HFM1: variants seen among roughly 807,000 people sequenced by gnomAD.
The protein encoded by HFM1 is probable ATP-dependent DNA helicase HFM1.
A neutral mutation model predicts 192.1 loss-of-function variants in HFM1; 169 were observed. The ratio of observed to expected loss-of-function variants is 0.88; its 90% CI spans 0.78 to 1.00. The LOEUF (loss-of-function observed/expected upper bound fraction) is 1.00, where lower values mean the gene tolerates loss of function less well. HFM1 is among the 50% of genes least tolerant of loss of function. HFM1 has a pLI of 0.00. For synonymous variants in HFM1, 525 were observed against 537.8 expected (o/e 0.98, Z 0.33); for missense variants, 1,661 against 1,668.0 (o/e 1.00, Z 0.07).
chr1:91,290,759 C>T (rs1668652980), intron 30 of HFM1, among the ~76,000 whole-genome samples: 1 of 152,012 alleles, frequency 6.6e-6, no homozygotes, highest in Non-Finnish European at 1.5e-5. Context: ...TTTTTTTCAG[C>T]ACCACACCAC....
At chr1:91,266,491 T>C (rs1406808495) in intron 35 of HFM1, among the ~76,000 whole-genome samples, 1 of 152,196 alleles carries the variant, frequency 6.6e-6, no homozygotes, top group Non-Finnish European at 1.5e-5. Flanking sequence ...ATAGATGTCT[T>C]CTGGGCTGAT....
chr1:91,306,257 GGGAGGT>G (rs1240434795), intron 30 of HFM1, among the ~76,000 whole-genome samples: 1 of 152,124 alleles, frequency 6.6e-6, no homozygotes, highest in Admixed American at 6.5e-5. Flanking sequence ...GCTTGAACCT[GGGAGGT>G]GGAGATTATG....
At chr1:91,373,022 TAAG>T (rs1352139210) in intron 13 of HFM1, among the ~76,000 whole-genome samples, 4 of 152,078 alleles carry the variant, frequency 2.6e-5, no homozygotes, top group African/African-American at 7.2e-5. Flanking sequence ...TGGTAGTAAC[TAAG>T]AAGATCAAGT....
intron 6 of HFM1, 26 bp downstream of exon 6, chr1:91,385,161 G>A (rs72728211): frequency 1.5e-6 from 2 of 1,302,946 alleles, no homozygotes; most frequent in Non-Finnish European, 2.2e-6. Context: ...ATACAAAGCA[G>A]CTATTGTAAA....
At chr1:91,291,254 A>C (rs1382905602) in intron 30 of HFM1, among the ~76,000 whole-genome samples, 2 of 152,206 alleles carry the variant, frequency 1.3e-5, no homozygotes, top group African/African-American at 4.8e-5. Flanking sequence ...AAAATTAATG[A>C]ATTCAGGAGC....
At chr1:91,381,216 G>A (rs539561601) in intron 6 of HFM1, among the ~76,000 whole-genome samples, 1 of 152,148 alleles carries the variant, frequency 6.6e-6, no homozygotes, top group African/African-American at 2.4e-5. Flanking sequence ...GATTATATAA[G>A]GGTTATACCT....
intron 35 of HFM1, among the ~76,000 whole-genome samples, chr1:91,266,360 T>C (rs375772091): frequency 7.9e-5 from 12 of 152,294 alleles, no homozygotes; most frequent in African/African-American, 2.9e-4. Context: ...TGTGGTAAAA[T>C]ACGTATTTGG....
chr1:91,351,374 A>T (rs1656914504), intron 17 of HFM1, among the ~76,000 whole-genome samples, 175 bp downstream of exon 17: 2 of 151,974 alleles, frequency 1.3e-5, no homozygotes, highest in Non-Finnish European at 2.9e-5. Flanking sequence ...AGTACCTTTT[A>T]AAAAAATTAT....
chr1:91,379,001 G>T, intron 9 of HFM1, 62 bp downstream of exon 9: 1 of 1,019,596 alleles, frequency 9.8e-7, no homozygotes, highest in Non-Finnish European at 1.4e-6. Flanking sequence ...TTTTATCTCA[G>T]TAAAGAAAAA....
At chr1:91,358,275 C>T (rs1195482588) in intron 13 of HFM1, among the ~76,000 whole-genome samples, 1 of 150,708 alleles carries the variant, frequency 6.6e-6, no homozygotes, top group African/African-American at 2.4e-5. Context: ...CAGAGCAAGA[C>T]TCCATCTCAA....
upstream of HFM1, chr1:91,404,968 G>A: frequency 2.4e-6 from 1 of 419,852 alleles, no homozygotes; most frequent in Non-Finnish European, 4.8e-6. Flanking sequence ...TATATCTCTT[G>A]CAGTTTACTG....
intron 2 of HFM1, among the ~76,000 whole-genome samples, chr1:91,397,765 G>A (rs1663839259): frequency 1.3e-5 from 2 of 152,176 alleles, no homozygotes; most frequent in Admixed American, 6.5e-5. Flanking sequence ...CTACCAGGAC[G>A]AAGTCCAAGG....
intron 4 of HFM1, among the ~76,000 whole-genome samples, chr1:91,390,356 A>G (rs981214446): frequency 2.6e-5 from 4 of 151,914 alleles, no homozygotes; most frequent in African/African-American, 4.8e-5. Context: ...GAATTGCCTG[A>G]ACCTGGGAGG....
intron 11 of HFM1, 145 bp downstream of exon 11, chr1:91,377,874 GTTATAT>G: frequency 2.8e-6 from 2 of 717,860 alleles, no homozygotes; most frequent in Non-Finnish European, 2.4e-6. Context: ...CCTTAATACT[GTTATAT>G]TTATGAGATC....
chr1:91,319,311 C>T lies in HFM1; in HGVS notation c.2662G>A (p.Gly888Ser). The T allele has an allele frequency of 1.2e-6, 2 of 1,610,536 alleles. No individual in the cohort carries two copies. The highest frequency in any genetic ancestry group is 1.1e-5 in the South Asian group (1 of 91,016). The change falls in exon 24 of 39, where the codon GGC becomes AGC. Residue 888 changes from glycine to serine, a missense_variant. Gly to Ser is a moderately conservative substitution (Grantham distance 56, BLOSUM62 0). Transcript: ENST00000370425. The stretch of plus-strand genomic sequence containing the variant: ...AACATACATCTTGTAATTCGGGAGC[C>T]ATGTCTGAAAATCTTTGCGGTATCT... The part of the protein sequence containing the change: ...TQDTAKIFRH[G>S]SRITRWLSDF...
At chr1:91,391,193 T>A (rs1363729431) in intron 4 of HFM1, among the ~76,000 whole-genome samples, 1 of 152,164 alleles carries the variant, frequency 6.6e-6, no homozygotes, top group Non-Finnish European at 1.5e-5. Flanking sequence ...AATTGATAGA[T>A]TCAATGCCAT....
chr1:91,402,581 C>T (rs766134758), intron 1 of HFM1, among the ~76,000 whole-genome samples: 6 of 151,982 alleles, frequency 3.9e-5, no homozygotes, highest in Non-Finnish European at 7.4e-5. Context: ...CAGAAATATG[C>T]GAAGTCTTTA....
chr1:91,263,916 G>A (rs528428580), intron 36 of HFM1, among the ~76,000 whole-genome samples: 1 of 152,154 alleles, frequency 6.6e-6, no homozygotes, highest in East Asian at 1.9e-4. Flanking sequence ...AAGGTGTGGT[G>A]CACAAAACTG....
At position 91,394,284 on chromosome 1, in the gene HFM1, C is replaced by T. The variant is rs1427934617; in HGVS notation, c.303G>A (p.Gln101=). 1 of 1,594,458 alleles carries T rather than the reference C, an allele frequency of 6.3e-7. No homozygotes were observed. The highest frequency in any genetic ancestry group is 1.1e-5 in the South Asian group (1 of 90,656). Residue 101 remains glutamine, a synonymous_variant, in exon 4 of 39, where the codon CAG becomes CAA. Coordinates refer to ENST00000370425, the MANE Select transcript of HFM1 (RefSeq NM_001017975.6). ...CTACCCCTTCTAAATTTAGATCATCCTGTTCATATTTATCAGAAGGAAAGG... is the reference window on the plus strand; with the variant it reads ...CTACCCCTTCTAAATTTAGATCATCTTGTTCATATTTATCAGAAGGAAAGG... ...QFAFPSDKYE[Q]DDLNLEGVGN...
Sources: gnomAD v4.1 joint callset for allele counts (sites outside exome capture counted in the v4.1 genomes callset) on GRCh38, gnomAD v4.1.1 for gene constraint, MANE v1.5 for transcripts, NCBI Gene and HGNC (gene_info 2026-07-23, HGNC 2026-07-21) for gene names.